Variants in CDH3 observed in about 807,000 individuals in gnomAD.
CDH3 encodes cadherin-3.
CDH3 carries 54 observed loss-of-function variants against 82.0 expected under a neutral mutation model. That is an observed-to-expected ratio of 0.66 (90% CI 0.53 to 0.83). The LOEUF is 0.83. CDH3 is among the 40% of genes least tolerant of loss of function. The probability of loss-of-function intolerance (pLI) is 0.00; values close to 1 mark genes in which losing one functional copy is unlikely to be tolerated. For missense variants in CDH3, 1,054 were observed against 1,084.6 expected (o/e 0.97, Z 0.40); for synonymous variants, 446 against 437.9 (o/e 1.02, Z -0.23).
At chr16:68,732,783 G>C in the CDH3 span, among the ~76,000 whole-genome samples, 1 of 152,168 alleles carries the variant, frequency 6.6e-6, no homozygotes, top group South Asian at 2.1e-4. Flanking sequence ...CAGACACCAG[G>C]TTAAAAGCCC....
rs1430901876 is a variant in CDH3 at position 68,651,177 on chromosome 16, C to T, written c.160+5427C>T. 2.5e-5 allele frequency: 12 copies of T among 487,598 alleles called. No individual in the cohort carries two copies. The Admixed American group carries it at 2.6e-4, about 11-fold the overall frequency. The allele number at this position is 487,598 out of a possible 1,614,324, so 30.2% of individuals were successfully genotyped here. A position where few individuals can be genotyped will look rare whatever the true frequency, so the allele number is the denominator to read the frequency against. On this transcript the variant is annotated intron_variant, in intron 2 of 15. Transcript: ENST00000264012. ...ATATCTGCCGGCCCAGGCCAAAGAC[C>T]TGGCTGCTCTGGTTAGCACCCTGCA...
intron 3 of CDH3, 83 bp from the exon 4 acceptor site, chr16:68,678,051 C>G (rs1356671675): frequency 2.3e-6 from 3 of 1,324,914 alleles, no homozygotes; most frequent in Non-Finnish European, 3.3e-6. Flanking sequence ...GCCCAGCCAC[C>G]CTTTTAACTC....
At chr16:68,716,306 A>G (rs2152110676) in intron 1 of CDH3, among the ~76,000 whole-genome samples, 1 of 151,966 alleles carries the variant, frequency 6.6e-6, no homozygotes, top group South Asian at 2.1e-4. Context: ...CAAATCGTGG[A>G]AAATCATACT....
intron 1 of CDH3, among the ~76,000 whole-genome samples, chr16:68,718,580 G>A (rs986121388): frequency 2.6e-5 from 4 of 152,086 alleles, no homozygotes; most frequent in South Asian, 2.1e-4. Context: ...TACTCGGGAG[G>A]CTGAGACAAC....
intron 1 of CDH3, among the ~76,000 whole-genome samples, chr16:68,716,655 G>GATAACAGT (rs1962098986): frequency 6.7e-6 from 1 of 149,012 alleles, no homozygotes; most frequent in Non-Finnish European, 1.5e-5. Context: ...GAAAAAAACT[G>GATAACAGT]ATAACAGTAG....
chr16:68,656,443 C>T (rs937357757), intron 2 of CDH3, among the ~76,000 whole-genome samples: 2 of 152,154 alleles, frequency 1.3e-5, no homozygotes, highest in East Asian at 1.9e-4. Flanking sequence ...TGAAAACTCA[C>T]CACCACCACC....
At chr16:68,712,037 C>CTTTT (rs58452743) in intron 1 of CDH3, among the ~76,000 whole-genome samples, 2,255 of 119,354 alleles carry the variant, frequency 0.019, 117 homozygotes, top group African/African-American at 0.037. Flanking sequence ...TTTTTGTTTT[C>CTTTT]TTTTTTTTTT....
chr16:68,678,696 A>G, intron 5 of CDH3, 40 bp downstream of exon 5: 1 of 1,614,146 alleles, frequency 6.2e-7, no homozygotes, highest in Non-Finnish European at 8.5e-7. Flanking sequence ...GTCCCCTCAG[A>G]AGTGGGATCC....
chr16:68,677,176 G>A (rs766338121), intron 3 of CDH3, among the ~76,000 whole-genome samples: 1 of 152,104 alleles, frequency 6.6e-6, no homozygotes, highest in Non-Finnish European at 1.5e-5. Flanking sequence ...CTGTTCACAT[G>A]TCTGCACCTT....
chr16:68,676,450 C>T lies in CDH3; in HGVS notation c.226C>T (p.Arg76Trp), dbSNP rs546610061. Residue 76 changes from arginine (R) to tryptophan (W), a missense_variant, in exon 3 of 16, where the codon CGG (arginine) becomes TGG (tryptophan). By Grantham distance (101) the Arg-to-Trp change is moderately radical (BLOSUM62 -3). Coordinates refer to ENST00000264012, the MANE Select transcript of CDH3 (RefSeq NM_001793.6). ...CACTGATAATGATGACTTCACTGTG[C>T]GGAATGGCGAGACAGTCCAGGTAAA... ...FSTDNDDFTV[R>W]NGETVQERRS... The T allele has an allele frequency of 1.1e-5, 17 of 1,613,058 alleles. No homozygotes were observed. The highest frequency in any genetic ancestry group is 1.3e-5 in the Non-Finnish European group (15 of 1,179,112).
intron 2 of CDH3, among the ~76,000 whole-genome samples, chr16:68,665,722 C>T (rs909768025): frequency 2.6e-5 from 4 of 152,112 alleles, no homozygotes; most frequent in Non-Finnish European, 4.4e-5. Flanking sequence ...ACACCTCATG[C>T]TGAGTCAGCC....
chr16:68,655,119 G>A (rs930056163), intron 2 of CDH3, among the ~76,000 whole-genome samples: 24 of 152,062 alleles, frequency 1.6e-4, no homozygotes, highest in African/African-American at 5.6e-4. Context: ...TCAAGCAATC[G>A]TCTTGCCTCA....
At chr16:68,676,804 G>C (rs755124795) in intron 3 of CDH3, among the ~76,000 whole-genome samples, 4 of 152,156 alleles carry the variant, frequency 2.6e-5, no homozygotes, top group East Asian at 1.9e-4. Context: ...CCAACTGAAA[G>C]CAGCTCTAAA....
intron 2 of CDH3, 129 bp downstream of exon 2, chr16:68,645,879 A>C: frequency 1.4e-6 from 1 of 695,136 alleles, no homozygotes; most frequent in Non-Finnish European, 2.4e-6. Flanking sequence ...GAGGCGCAGA[A>C]CGCGCCTCGG....
rs773154271 is a variant in CDH3 at position 68,687,710 on chromosome 16, A to C, written c.1769A>C (p.Tyr590Ser). Residue 590 changes from tyrosine (Y) to serine (S), a missense_variant, in exon 12 of 16, where the codon TAC becomes TCC. Tyr to Ser is a moderately radical substitution (Grantham distance 144). Transcript: ENST00000264012. ...QAQLTDDSDI[Y>S]WTAEVNEEGD... ...CAGCTCACAGATGACTCAGACATCT[A>C]CTGGACGGCAGAGGTCAACGAGGAA... 3.7e-6 allele frequency: 6 copies of C among 1,613,504 alleles called. No homozygotes were observed. The highest frequency in any genetic ancestry group is 5.1e-6 in the Non-Finnish European group (6 of 1,179,612).
intron 2 of CDH3, among the ~76,000 whole-genome samples, chr16:68,723,961 T>C (rs1288719418): frequency 2.0e-5 from 3 of 150,582 alleles, no homozygotes; most frequent in Admixed American, 6.6e-5. Flanking sequence ...CCCAGCTACT[T>C]GGGAGGCTGA....
In CDH3 at chr16:68,687,628, C is replaced by T. The variant is rs200168570; in HGVS notation, c.1687C>T (p.Gln563Ter). Reference sequence around the variant, plus strand: ...CATCTGCAACCAAAGCCCTGTGCGCCAGGTGCTGAACATCACGGACAAGGA... The same window carrying T: ...CATCTGCAACCAAAGCCCTGTGCGCTAGGTGCTGAACATCACGGACAAGGA... ...ITICNQSPVR[Q>*]VLNITDKDLS... The change falls in exon 12 of 16, where the codon CAG becomes TAG. Residue 563 changes from glutamine (Q) to a stop codon, truncating the protein, a stop_gained. Transcript: ENST00000264012. LOFTEE classifies it high-confidence loss of function. 2 of 1,614,164 alleles carry T rather than the reference C, an allele frequency of 1.2e-6. No homozygotes were observed. The highest frequency in any genetic ancestry group is 1.3e-5 in the African/African-American group (1 of 75,052).
At chr16:68,673,768 TACTAAAATTAGCTGGGC>T (rs916117648) in intron 2 of CDH3, among the ~76,000 whole-genome samples, 1 of 152,026 alleles carries the variant, frequency 6.6e-6, no homozygotes, top group Non-Finnish European at 1.5e-5. Context: ...CTACTAAAAA[TACTAAAATTAGCTGGGC>T]ATGGTGGTGC....
chr16:68,728,199 T>C (rs1962239151), downstream of CDH3, among the ~76,000 whole-genome samples: 1 of 152,114 alleles, frequency 6.6e-6, no homozygotes, highest in African/African-American at 2.4e-5. Flanking sequence ...GGAGTCTTGC[T>C]CTGTCACCCA....
Sources: allele counts gnomAD v4.1 joint callset (sites outside exome capture counted in the v4.1 genomes callset), GRCh38; gene constraint gnomAD v4.1.1; transcripts MANE v1.5; gene names NCBI Gene and HGNC (gene_info 2026-07-23, HGNC 2026-07-21).